YIPF1: variants seen among roughly 807,000 people sequenced by gnomAD.
The protein encoded by YIPF1 is protein YIPF1.
Under a neutral mutation model 37.0 loss-of-function variants are expected in YIPF1, and 22 were observed. The observed-to-expected ratio is 0.59, with a 90% CI of 0.42 to 0.85. The LOEUF (loss-of-function observed/expected upper bound fraction) is 0.85. YIPF1 is among the 40% of genes least tolerant of loss of function. YIPF1 has a pLI of 0.00. For missense variants in YIPF1, 355 were observed against 373.1 expected (o/e 0.95, Z 0.40); for synonymous variants, 128 against 131.9 (o/e 0.97, Z 0.21).
chr1:53,884,234 C>A (rs370097503), intron 3 of YIPF1, among the ~76,000 whole-genome samples: 161 of 114,044 alleles, frequency 1.4e-3, no homozygotes, highest in East Asian at 1.5e-3. Context: ...GACTTTGTCT[C>A]AAAAAAAAAA....
chr1:53,878,321 G>A lies in YIPF1; in HGVS notation c.358C>T (p.Leu120Phe). 1 of 1,613,912 alleles carries A rather than the reference G, an allele frequency of 6.2e-7. No homozygotes were observed. The highest frequency in any genetic ancestry group is 8.5e-7 in the Non-Finnish European group (1 of 1,179,928). Residue 120 changes from leucine (L) to phenylalanine (F), a missense_variant, in exon 6 of 11, where the codon CTC becomes TTC. Transcript: ENST00000072644. The part of the protein sequence containing the change: ...VRLYIRSNPD[L>F]YGPFWICATL... ...AAATCAGTACTAAACATACCATAGA[G>A]ATCTGGATTGCTGCGGATATATAAC...
intron 3 of YIPF1, among the ~76,000 whole-genome samples, 189 bp from the exon 4 acceptor site, chr1:53,883,465 GA>G (rs1557611268): frequency 6.6e-6 from 1 of 152,174 alleles, no homozygotes; most frequent in African/African-American, 2.4e-5. Flanking sequence ...TGACTATGAA[GA>G]CAACAGAATT....
chr1:53,880,334 A>T (rs1261165470), intron 4 of YIPF1, among the ~76,000 whole-genome samples: 2 of 152,164 alleles, frequency 1.3e-5, no homozygotes, highest in African/African-American at 4.8e-5. Context: ...CTACAAAAAG[A>T]ATAAAATACC....
At chr1:53,853,002 G>C (rs1649633660) in intron 10 of YIPF1, among the ~76,000 whole-genome samples, 1 of 152,184 alleles carries the variant, frequency 6.6e-6, no homozygotes, top group South Asian at 2.1e-4. Context: ...AAATACTTCA[G>C]AGATAGAAAA....
chr1:53,887,548 G>A (rs1248725190), intron 3 of YIPF1, among the ~76,000 whole-genome samples: 1 of 152,014 alleles, frequency 6.6e-6, no homozygotes, highest in Non-Finnish European at 1.5e-5. Context: ...CAGAAAAAAG[G>A]TGACAGTGAC....
chr1:53,862,366 C>T (rs994996557), intron 9 of YIPF1, among the ~76,000 whole-genome samples: 1 of 152,144 alleles, frequency 6.6e-6, no homozygotes, highest in African/African-American at 2.4e-5. Context: ...CGGATCTAGG[C>T]ACCGTGGAGA....
chr1:53,885,234 T>C (rs1481205567), intron 3 of YIPF1, among the ~76,000 whole-genome samples: 1 of 152,194 alleles, frequency 6.6e-6, no homozygotes, highest in Non-Finnish European at 1.5e-5. Flanking sequence ...TTATTGATTG[T>C]ACAGGGCAAT....
At chr1:53,883,751 G>C (rs541597984) in intron 3 of YIPF1, among the ~76,000 whole-genome samples, 1 of 152,248 alleles carries the variant, frequency 6.6e-6, no homozygotes, top group South Asian at 2.1e-4. Flanking sequence ...AATGAAAGTG[G>C]GATCAGCTGC....
intron 7 of YIPF1, among the ~76,000 whole-genome samples, chr1:53,868,037 G>A (rs1650079217): frequency 1.3e-5 from 2 of 152,146 alleles, no homozygotes; most frequent in Admixed American, 6.5e-5. Flanking sequence ...ATGCATCTTG[G>A]CAAGAACAAA....
chr1:53,862,061 CTA>C (rs1026561296), intron 9 of YIPF1, among the ~76,000 whole-genome samples: 1 of 152,202 alleles, frequency 6.6e-6, no homozygotes. Flanking sequence ...ATCTTGAATT[CTA>C]TGATTCATTA....
At position 53,857,355 on chromosome 1, in the gene YIPF1, G is replaced by A. The variant is rs144163538; in HGVS notation, c.*8+2701C>T. Among the ~76,000 whole-genome samples the A allele has an allele frequency of 4.3e-3, 651 of 152,286 alleles. 3 individuals carry two copies. The highest frequency in any genetic ancestry group is 0.015 in the African/African-American group (632 of 41,552). On this transcript the variant is annotated intron_variant, in intron 10 of 10. Coordinates refer to ENST00000072644, the MANE Select transcript of YIPF1 (RefSeq NM_018982.5). ...CAGCAATAGATAATTAATACAGCACGCAAACTCTCAGCTGATAAGACATGC... is the reference window on the plus strand; with the variant it reads ...CAGCAATAGATAATTAATACAGCACACAAACTCTCAGCTGATAAGACATGC...
Position 53,866,256 on chromosome 1 carries a change from A to G in YIPF1, c.775T>C (p.Leu259=), listed in dbSNP as rs1650019840. Residue 259 remains leucine (L), a synonymous_variant, in exon 9 of 11, where the codon TTG becomes CTG. Coordinates refer to ENST00000072644, the MANE Select transcript of YIPF1 (RefSeq NM_018982.5). ...AVREDNRRVA[L]ATIVTIVLLH... ...AACACAATTGTCACAATTGTGGCCA[A>G]TGCAACGCGTCGGTTATCCTCACGA... 1 of 1,614,206 alleles carries G rather than the reference A, an allele frequency of 6.2e-7. No homozygotes were observed. The highest frequency in any genetic ancestry group is 8.5e-7 in the Non-Finnish European group (1 of 1,180,036).
intron 7 of YIPF1, 65 bp downstream of exon 7, chr1:53,871,307 G>C (rs1650184921): frequency 1.4e-6 from 2 of 1,448,676 alleles, no homozygotes; most frequent in Admixed American, 3.4e-5. Context: ...CAGGAGCTCA[G>C]TGGGTAAAAA....
At chr1:53,878,798 T>A in intron 4 of YIPF1, 76 bp from the exon 5 acceptor site, 1 of 1,382,228 alleles carries the variant, frequency 7.2e-7, no homozygotes, top group Non-Finnish European at 9.8e-7. Context: ...GCAGGAGGGA[T>A]CTGATCTAAT....
intron 4 of YIPF1, among the ~76,000 whole-genome samples, chr1:53,879,538 G>C (rs1650431254): frequency 6.6e-6 from 1 of 152,036 alleles, no homozygotes; most frequent in Non-Finnish European, 1.5e-5. Flanking sequence ...TTGAGAAGAG[G>C]CACCTGAGGA....
chr1:53,873,330 C>T (rs1650242546), intron 6 of YIPF1, among the ~76,000 whole-genome samples: 2 of 151,992 alleles, frequency 1.3e-5, no homozygotes, highest in African/African-American at 2.4e-5. Flanking sequence ...CAGGAGTTCA[C>T]CAAGTGAGGA....
intron 6 of YIPF1, 32 bp from the exon 7 acceptor site, chr1:53,871,520 G>C: frequency 6.6e-7 from 1 of 1,520,826 alleles, no homozygotes; most frequent in Non-Finnish European, 9.1e-7. Context: ...TCAGAAACAA[G>C]AAAATGAAGC....
At chr1:53,867,450 GC>G (rs1650061139) in intron 7 of YIPF1, among the ~76,000 whole-genome samples, 1 of 142,340 alleles carries the variant, frequency 7.0e-6, no homozygotes, top group Non-Finnish European at 1.5e-5. Context: ...TAGGCTCACT[GC>G]AAGCTCCGCC....
Position 53,888,907 on chromosome 1 carries a change from C to T in YIPF1, c.31G>A (p.Glu11Lys), listed in dbSNP as rs866009847. Residue 11 changes from glutamate (E) to lysine (K), a missense_variant and splice_region_variant, in exon 3 of 11, where the codon GAA (glutamate) becomes AAA (lysine). Physicochemically the swap from Glu to Lys is moderately conservative, Grantham distance 56 (BLOSUM62 1). Coordinates refer to ENST00000072644, the MANE Select transcript of YIPF1 (RefSeq NM_018982.5). ...AAAGGTGGGCACCCAACTGGTATAC[C>T]TTCAAATTGCAAGTCATCTACTGCT... MAAVDDLQFE[E>K]FGNAATSLTA... The T allele has an allele frequency of 4.4e-6, 7 of 1,590,692 alleles. No homozygotes were observed. In the East Asian group the frequency reaches 1.6e-4, roughly 36 times the overall value.
Sources: gnomAD v4.1 joint callset for allele counts (sites outside exome capture counted in the v4.1 genomes callset) on GRCh38, gnomAD v4.1.1 for gene constraint, MANE v1.5 for transcripts, NCBI Gene and HGNC (gene_info 2026-07-23, HGNC 2026-07-21) for gene names.